Variants in PDE1A observed in about 807,000 individuals in gnomAD.
PDE1A encodes the protein phosphodiesterase 1A.
In PDE1A, 35 loss-of-function variants were observed where a neutral mutation model predicts 61.7. The observed-to-expected ratio is 0.57, with a 90% CI of 0.43 to 0.75. The LOEUF (loss-of-function observed/expected upper bound fraction) is 0.75, where lower values mean the gene tolerates loss of function less well. PDE1A is among the 30% of genes least tolerant of loss of function. The pLI is 0.00. For missense variants in PDE1A, 597 were observed against 630.6 expected (o/e 0.95, Z 0.57); for synonymous variants, 232 against 213.2 (o/e 1.09, Z -0.77).
chr2:182,547,767 G>A, the PDE1A span, among the ~76,000 whole-genome samples: 5 of 152,076 alleles, frequency 3.3e-5, no homozygotes, highest in African/African-American at 4.8e-5. Flanking sequence ...TGAAAGAGCC[G>A]GAAATTTCTA....
chr2:182,670,981 C>T, the PDE1A span, among the ~76,000 whole-genome samples: 37 of 151,930 alleles, frequency 2.4e-4, no homozygotes, highest in Middle Eastern at 0.01. Flanking sequence ...CCAAGCCTAG[C>T]TAATTTTTGT....
At chr2:182,692,059 C>A in the PDE1A span, among the ~76,000 whole-genome samples, 2 of 152,108 alleles carry the variant, frequency 1.3e-5, no homozygotes, top group Non-Finnish European at 2.9e-5. Flanking sequence ...TATAGGAACA[C>A]TTTTACACTG....
At chr2:182,462,368 G>GTA (rs759548913) in intron 2 of PDE1A, among the ~76,000 whole-genome samples, 28 of 150,772 alleles carry the variant, frequency 1.9e-4, no homozygotes, top group Middle Eastern at 3.5e-3. Context: ...ATATGTGTGT[G>GTA]TATATATATA....
chr2:182,169,903 C>T (rs1037369149), intron 13 of PDE1A, among the ~76,000 whole-genome samples: 2 of 76,844 alleles, frequency 2.6e-5, no homozygotes, highest in African/African-American at 8.2e-5. Flanking sequence ...CACACACACA[C>T]ACACACACAC....
At chr2:182,479,094 T>C (rs190043358) in intron 2 of PDE1A, among the ~76,000 whole-genome samples, 24 of 152,050 alleles carry the variant, frequency 1.6e-4, no homozygotes, top group Non-Finnish European at 3.2e-4. Context: ...AAGCCTTACA[T>C]ATCTCAAATG....
At chr2:182,387,602 A>G (rs974620105) in intron 1 of PDE1A, among the ~76,000 whole-genome samples, 1 of 152,056 alleles carries the variant, frequency 6.6e-6, no homozygotes, top group Non-Finnish European at 1.5e-5. Flanking sequence ...TACTAAAAAT[A>G]CAAAATTAGC....
In PDE1A at chr2:182,206,085, T is replaced by A. The variant is rs1687076881; in HGVS notation, c.777-20A>T. The A allele has an allele frequency of 6.3e-7, 1 of 1,594,728 alleles. No homozygotes were observed. The highest frequency in any genetic ancestry group is 8.5e-7 in the Non-Finnish European group (1 of 1,170,270). On this transcript the variant is annotated intron_variant, in intron 7 of 13. Coordinates refer to ENST00000351439, the Ensembl canonical transcript of PDE1A. ...TCTGACCTAAGAATTAAAAACAAAA[T>A]GCCCAACAGAGGATTTCTTTAGACA...
At chr2:182,338,160 G>C (rs543259312) in intron 1 of PDE1A, among the ~76,000 whole-genome samples, 23 of 152,276 alleles carry the variant, frequency 1.5e-4, no homozygotes, top group South Asian at 1.2e-3. Context: ...TTACTGCCTT[G>C]AATGAGGCCA....
chr2:182,410,543 T>C (rs1319207724), intron 1 of PDE1A, among the ~76,000 whole-genome samples: 3 of 152,222 alleles, frequency 2.0e-5, no homozygotes, highest in Non-Finnish European at 4.4e-5. Flanking sequence ...AATGTACATA[T>C]AAGAATTGTA....
intron 10 of PDE1A, among the ~76,000 whole-genome samples, chr2:182,198,321 C>G (rs1686312282): frequency 6.6e-6 from 1 of 151,786 alleles, no homozygotes; most frequent in Non-Finnish European, 1.5e-5. Flanking sequence ...CTGCAAATAA[C>G]AGTTTTATTT....
intron 1 of PDE1A, among the ~76,000 whole-genome samples, chr2:182,417,799 C>T (rs1703010947): frequency 6.6e-6 from 1 of 152,032 alleles, no homozygotes; most frequent in South Asian, 2.1e-4. Context: ...CCTTTCTACC[C>T]CCAGAGTTAA....
chr2:182,669,239 A>G, the PDE1A span, among the ~76,000 whole-genome samples: 1 of 152,206 alleles, frequency 6.6e-6, no homozygotes, highest in African/African-American at 2.4e-5. Flanking sequence ...TCATTCCTCA[A>G]AACAAAGGAA....
intron 6 of PDE1A, among the ~76,000 whole-genome samples, chr2:182,226,921 T>G (rs1226520744): frequency 6.6e-6 from 1 of 152,000 alleles, no homozygotes; most frequent in Non-Finnish European, 1.5e-5. Flanking sequence ...TAACATTAAC[T>G]GGACACTTTA....
At chr2:182,715,820 G>T in the PDE1A span, among the ~76,000 whole-genome samples, 1 of 152,178 alleles carries the variant, frequency 6.6e-6, no homozygotes, top group African/African-American at 2.4e-5. Flanking sequence ...TGCAATCAGT[G>T]TCGCTTCAGG....
chr2:182,475,063 A>C (rs1318359846), intron 2 of PDE1A, among the ~76,000 whole-genome samples: 1 of 151,894 alleles, frequency 6.6e-6, no homozygotes, highest in Non-Finnish European at 1.5e-5. Context: ...CTCTTTAGAT[A>C]GCTTTTTCTC....
intron 2 of PDE1A, among the ~76,000 whole-genome samples, chr2:182,482,976 G>A (rs770906295): frequency 4.6e-5 from 7 of 151,820 alleles, no homozygotes; most frequent in South Asian, 2.1e-4. Flanking sequence ...GACATAAACA[G>A]GTGAAAATAA....
intron 2 of PDE1A, among the ~76,000 whole-genome samples, chr2:182,462,164 G>C (rs1686335500): frequency 1.3e-5 from 2 of 152,160 alleles, no homozygotes; most frequent in East Asian, 1.9e-4. Flanking sequence ...GTGGGGTGGG[G>C]GGAGCGGGGA....
chr2:182,477,932 A>C (rs1220413923), intron 2 of PDE1A, among the ~76,000 whole-genome samples: 1 of 151,814 alleles, frequency 6.6e-6, no homozygotes, highest in African/African-American at 2.4e-5. Flanking sequence ...TCTAGATTCC[A>C]GGTGTGTAGG....
intron 4 of PDE1A, among the ~76,000 whole-genome samples, chr2:182,232,139 A>C (rs1016380484): frequency 1.3e-5 from 2 of 152,150 alleles, no homozygotes; most frequent in Non-Finnish European, 2.9e-5. Context: ...CATTTCATGC[A>C]GTTCCCTAGG....
Sources: allele counts gnomAD v4.1 joint callset (sites outside exome capture counted in the v4.1 genomes callset), GRCh38; gene constraint gnomAD v4.1.1; transcripts MANE v1.5; gene names NCBI Gene and HGNC (gene_info 2026-07-23, HGNC 2026-07-21).